Variants in ZFPM1 observed in about 807,000 individuals in gnomAD.
ZFPM1 encodes the protein zinc finger protein, FOG family member 1, also known as zinc finger protein ZFPM1.
A neutral mutation model predicts 46.3 loss-of-function variants in ZFPM1; 28 were observed. The ratio of observed to expected loss-of-function variants is 0.60; its 90% CI spans 0.45 to 0.83. ZFPM1 has a LOEUF of 0.83. Among genes scored for constraint, ZFPM1 ranks in the 40% least tolerant of loss-of-function variants. The probability of loss-of-function intolerance (pLI) is 0.00; values close to 1 mark genes in which losing one functional copy is unlikely to be tolerated. For synonymous variants in ZFPM1, 957 were observed against 675.9 expected, an observed-to-expected ratio of 1.42 and a Z score of -6.45; for missense variants, 1,878 against 1,432.4, an observed-to-expected ratio of 1.31 and a Z score of -5.02.
rs1349305567 is a variant in ZFPM1, at chr16:88,532,102, C to G, written c.813C>G (p.Gly271=). ...LYYCASRQGT[G]SPAAAATDEK... is the part of the protein sequence containing the mutation. ...ACTGCGCCAGCCGCCAGGGCACCGG[C>G]TCCCCGGCCGCAGCCGCCACAGACG... The change falls in exon 7 of 10, where the codon GGC becomes GGG. Residue 271 remains glycine, a synonymous_variant. Coordinates refer to ENST00000319555, the MANE Select transcript of ZFPM1 (RefSeq NM_153813.3). 1.2e-6 allele frequency: 2 copies of G among 1,612,290 alleles called. No individual in the cohort carries two copies. The highest frequency in any genetic ancestry group is 3.3e-5 in the Admixed American group (2 of 59,968).
intron 1 of ZFPM1, among the ~76,000 whole-genome samples, chr16:88,462,901 G>A (rs541452624): frequency 6.8e-6 from 1 of 147,026 alleles, no homozygotes; most frequent in East Asian, 1.9e-4. Context: ...ACCCAACACG[G>A]GAGGTGCAGC....
intron 4 of ZFPM1, among the ~76,000 whole-genome samples, chr16:88,520,923 C>CGGTGGGTGGGTGGATGATTA (rs1304292871): frequency 1.8e-5 from 1 of 55,290 alleles, no homozygotes; most frequent in Non-Finnish European, 3.3e-5. Flanking sequence ...ATGGATGATT[C>CGGTGGGTGGGTGGATGATTA]GGTGGGTGGG....
chr16:88,509,453 A>T (rs1910834056), intron 3 of ZFPM1, among the ~76,000 whole-genome samples: 1 of 152,204 alleles, frequency 6.6e-6, no homozygotes, highest in South Asian at 2.1e-4. Flanking sequence ...GCCATTAGGC[A>T]CACAGGGAGG....
At chr16:88,502,061 C>A (rs1260541363) in intron 3 of ZFPM1, among the ~76,000 whole-genome samples, 1 of 135,220 alleles carries the variant, frequency 7.4e-6, no homozygotes, top group African/African-American at 2.7e-5. Flanking sequence ...CACCCGCCCC[C>A]CCCCATTTAT....
Position 88,524,739 on chromosome 16 carries a change from CT to C in ZFPM1, c.403-2074del, listed in dbSNP as rs143904809. On this transcript the variant is annotated intron_variant, in intron 4 of 9. Coordinates refer to ENST00000319555, the MANE Select transcript of ZFPM1 (RefSeq NM_153813.3). The stretch of plus-strand genomic sequence containing the variant: ...GTCAAAGGAGATAGGACTGACCCCC[CT>C]GAGACTGCCCCAAAGGCTAATGGTG... Among the ~76,000 whole-genome samples, 1,514 of 152,336 alleles carry C rather than the reference CT, an allele frequency of 9.9e-3. 15 individuals carry two copies. The highest frequency in any genetic ancestry group is 0.035 in the African/African-American group (1,440 of 41,548).
chr16:88,507,256 G>A (rs1035462830), intron 3 of ZFPM1, among the ~76,000 whole-genome samples: 1 of 152,164 alleles, frequency 6.6e-6, no homozygotes, highest in Non-Finnish European at 1.5e-5. Context: ...GACGAGAGCA[G>A]GAGAAACGGT....
intron 5 of ZFPM1, 45 bp downstream of exon 5, chr16:88,526,961 G>T: frequency 6.5e-7 from 1 of 1,529,072 alleles, no homozygotes; most frequent in South Asian, 1.2e-5. Context: ...CCGGAAGGTG[G>T]GGGTCACTTG....
At chr16:88,492,737 C>G (rs911299706) in intron 3 of ZFPM1, among the ~76,000 whole-genome samples, 10 of 152,198 alleles carry the variant, frequency 6.6e-5, no homozygotes, top group Non-Finnish European at 1.3e-4. Flanking sequence ...AACAGCTCCA[C>G]CATGGGTCCA....
chr16:88,504,489 C>T lies in ZFPM1; in HGVS notation c.269-9898C>T, dbSNP rs530038046. ...TAGCCTTCCAGAAGCCCAGAGAGGC[C>T]GCCAATCTCCCAGCTTGGAGGTGAC... On this transcript the variant is annotated intron_variant, in intron 3 of 9. Coordinates refer to ENST00000319555, the MANE Select transcript of ZFPM1 (RefSeq NM_153813.3). Among the ~76,000 whole-genome samples the T allele has an allele frequency of 6.6e-5, 10 of 152,210 alleles. 1 individual carries two copies. In the East Asian group the frequency reaches 1.4e-3, roughly 21 times the overall value.
intron 1 of ZFPM1, among the ~76,000 whole-genome samples, chr16:88,462,228 T>A (rs60037105): frequency 0.34 from 51,540 of 152,038 alleles, 9,044 homozygotes; most frequent in East Asian, 0.49. Context: ...TCCCCGGCTG[T>A]GAAATGGGTG....
chr16:88,458,540 C>T (rs1156880665), intron 1 of ZFPM1, among the ~76,000 whole-genome samples: 1 of 152,220 alleles, frequency 6.6e-6, no homozygotes. Flanking sequence ...TGTTTCTATG[C>T]CAACCAGACG....
chr16:88,495,042 G>A (rs1270429611), intron 3 of ZFPM1, among the ~76,000 whole-genome samples: 21 of 152,304 alleles, frequency 1.4e-4, no homozygotes, highest in African/African-American at 2.2e-4. Flanking sequence ...GGAGCAGCTC[G>A]GCCGTGGCTC....
In ZFPM1 at chr16:88,493,842, G is replaced by A. The variant is rs555976881; in HGVS notation, c.268+4689G>A. 9.9e-5 allele frequency among the ~76,000 whole-genome samples: 15 copies of A among 152,264 alleles called. 1 individual carries two copies. The South Asian group carries it at 3.1e-3, about 32-fold the overall frequency. Reference sequence around the variant, plus strand: ...AGGCACTCAGTGGGTGCTGGTTTTTGTTTTCAAAAGTTCTGAGCTCTGTCT... The same window carrying A: ...AGGCACTCAGTGGGTGCTGGTTTTTATTTTCAAAAGTTCTGAGCTCTGTCT... On this transcript the variant is annotated intron_variant, in intron 3 of 9. Transcript: ENST00000319555.
intron 1 of ZFPM1, among the ~76,000 whole-genome samples, chr16:88,458,436 A>G (rs1907654393): frequency 6.6e-6 from 1 of 152,238 alleles, no homozygotes; most frequent in South Asian, 2.1e-4. Context: ...CCAGGAACCC[A>G]GTGTGGCATC....
intron 1 of ZFPM1, among the ~76,000 whole-genome samples, chr16:88,481,975 G>C (rs1022998024): frequency 5.9e-5 from 9 of 152,212 alleles, no homozygotes; most frequent in South Asian, 2.1e-4. Flanking sequence ...CCTGAAGTGG[G>C]AGCTGCTGTG....
intron 1 of ZFPM1, among the ~76,000 whole-genome samples, chr16:88,465,541 G>A (rs953774714): frequency 6.6e-6 from 1 of 152,242 alleles, no homozygotes; most frequent in Non-Finnish European, 1.5e-5. Flanking sequence ...CATTTCGCCT[G>A]TGTGGATCCC....
At position 88,534,166 on chromosome 16, in the gene ZFPM1, G is replaced by T. The variant is rs1913066497; in HGVS notation, c.2208G>T (p.Ala736=). 2 of 988,708 alleles carry T rather than the reference G, an allele frequency of 2.0e-6. No homozygotes were observed. The highest frequency in any genetic ancestry group is 9.2e-5 in the South Asian group (2 of 21,796). The allele number at this position is 988,708 out of a possible 1,614,324, so 61.2% of individuals were successfully genotyped here. Residue 736 remains alanine (A), a synonymous_variant, in exon 10 of 10, where the codon GCG becomes GCT. Transcript: ENST00000319555. ...PAAPPAPSPA[A]PVRTRRRRKL... The stretch of plus-strand genomic sequence containing the variant: ...CGCCCCCGGCCCCCTCTCCCGCCGC[G>T]CCTGTGCGCACGCGCAGACGCCGCA...
Position 88,533,973 on chromosome 16 carries a change from C to G in ZFPM1, c.2015C>G (p.Ser672Cys). 7.5e-7 allele frequency: 1 copy of G among 1,329,070 alleles called. No homozygotes were observed. The allele number at this position is 1,329,070 out of a possible 1,614,324, so 82.3% of individuals were successfully genotyped here. A position where few individuals can be genotyped will look rare whatever the true frequency, so the allele number is the denominator to read the frequency against. The change falls in exon 10 of 10, where the codon TCC becomes TGC. Residue 672 changes from serine (S) to cysteine (C), a missense_variant. Transcript: ENST00000319555. ...GSEGSQSPGS[S>C]VDDAEDDPSR... is the part of the protein sequence containing the mutation. ...GAGGGCAGCCAGAGCCCGGGTAGCT[C>G]CGTGGACGACGCGGAGGACGACCCC...
intron 1 of ZFPM1, among the ~76,000 whole-genome samples, chr16:88,483,469 C>T (rs893132317): frequency 3.9e-5 from 6 of 152,214 alleles, no homozygotes; most frequent in South Asian, 4.1e-4. Flanking sequence ...CATATGGCCC[C>T]CTCTGCCAGA....
Sources: gnomAD v4.1 joint callset for allele counts (sites outside exome capture counted in the v4.1 genomes callset) on GRCh38, gnomAD v4.1.1 for gene constraint, MANE v1.5 for transcripts, NCBI Gene and HGNC (gene_info 2026-07-23, HGNC 2026-07-21) for gene names.